ADGRB3: variants seen among roughly 807,000 people sequenced by gnomAD.
ADGRB3 encodes the protein brain-specific angiogenesis inhibitor 3.
Under a neutral mutation model 193.4 loss-of-function variants are expected in ADGRB3, and 37 were observed. The ratio of observed to expected loss-of-function variants is 0.19; its 90% CI spans 0.15 to 0.25. ADGRB3 has a LOEUF of 0.25. Among genes scored for constraint, ADGRB3 ranks in the 10% least tolerant of loss-of-function variants. The pLI is 1.00. For synonymous variants in ADGRB3, 690 were observed against 644.2 expected, an observed-to-expected ratio of 1.07 and a Z score of -1.08; for missense variants, 1,637 against 1,852.9, an observed-to-expected ratio of 0.88 and a Z score of 2.14.
intron 13 of ADGRB3, among the ~76,000 whole-genome samples, chr6:69,028,335 T>TTTTG (rs995842179): frequency 6.6e-6 from 1 of 152,214 alleles, no homozygotes. Context: ...TTTTCGGTTT[T>TTTTG]TTTGTTTGTT....
chr6:69,222,662 A>G (rs1765920341), intron 17 of ADGRB3, among the ~76,000 whole-genome samples: 1 of 152,162 alleles, frequency 6.6e-6, no homozygotes, highest in South Asian at 2.1e-4. Flanking sequence ...AGGAAAAAAC[A>G]TTGAAAAGAA....
At chr6:69,258,783 A>G (rs1766837582) in intron 20 of ADGRB3, among the ~76,000 whole-genome samples, 1 of 152,188 alleles carries the variant, frequency 6.6e-6, no homozygotes, top group Non-Finnish European at 1.5e-5. Flanking sequence ...CCATCTGGAG[A>G]GTTTTTTAAT....
In ADGRB3 at chr6:69,018,317, T is replaced by TA; in HGVS notation, c.1999-67dup. On this transcript the variant is annotated intron_variant, in intron 12 of 31. Transcript: ENST00000370598. ...AGCTCATTTGTGATTTCATGTAGTT[T>TA]AAAAAAATTCAGTTATATATGCCAT... 4 of 901,436 alleles carry TA rather than the reference T, an allele frequency of 4.4e-6. No individual in the cohort carries two copies. The South Asian group carries it at 6.0e-5, about 13-fold the overall frequency. 55.8% of individuals were successfully genotyped at this position (901,436 alleles called of 1,614,324 possible).
At chr6:69,080,124 C>G (rs1486407945) in intron 17 of ADGRB3, among the ~76,000 whole-genome samples, 1 of 152,046 alleles carries the variant, frequency 6.6e-6, no homozygotes, top group African/African-American at 2.4e-5. Context: ...CTTTGTCATT[C>G]ATCCTGGAAG....
intron 24 of ADGRB3, among the ~76,000 whole-genome samples, chr6:69,336,528 G>A (rs1357532711): frequency 6.6e-6 from 1 of 151,870 alleles, no homozygotes; most frequent in Non-Finnish European, 1.5e-5. Flanking sequence ...ACATGGAGAA[G>A]GGAAACTAGA....
rs753486174 is a variant in ADGRB3 at position 69,239,257 on chromosome 6, T to C, written c.2814+31T>C. ...ACTGGTAATTATTCTGATTCTTTTT[T>C]TGTGTTTATATTTTGGCATATTGTT... On this transcript the variant is annotated intron_variant, in intron 20 of 31. Transcript: ENST00000370598. The C allele has an allele frequency of 1.2e-5, 17 of 1,431,756 alleles. No homozygotes were observed. The East Asian group carries it at 3.9e-4, about 33-fold the overall frequency. 88.7% of individuals were successfully genotyped at this position (1,431,756 alleles called of 1,614,324 possible). A position where few individuals can be genotyped will look rare whatever the true frequency, so the allele number is the denominator to read the frequency against.
intron 20 of ADGRB3, among the ~76,000 whole-genome samples, chr6:69,324,264 T>TA (rs1246399897): frequency 2.0e-5 from 3 of 152,168 alleles, no homozygotes; most frequent in Non-Finnish European, 2.9e-5. Flanking sequence ...CATTGCAAAG[T>TA]AATAGTATAG....
At chr6:68,766,976 C>T (rs1766521763) in intron 3 of ADGRB3, among the ~76,000 whole-genome samples, 1 of 151,890 alleles carries the variant, frequency 6.6e-6, no homozygotes, top group Non-Finnish European at 1.5e-5. Context: ...TTTGGAATTG[C>T]ATATACATTT....
intron 13 of ADGRB3, among the ~76,000 whole-genome samples, chr6:69,035,879 A>C (rs184587196): frequency 6.6e-6 from 1 of 152,278 alleles, no homozygotes; most frequent in East Asian, 1.9e-4. Context: ...GGCTTGAGTA[A>C]AGTCGATAGA....
intron 17 of ADGRB3, among the ~76,000 whole-genome samples, chr6:69,084,338 A>G (rs1772486203): frequency 6.6e-6 from 1 of 152,172 alleles, no homozygotes; most frequent in Non-Finnish European, 1.5e-5. Flanking sequence ...AGAAAGAAAA[A>G]CCAAGGAGCC....
chr6:68,957,414 T>C (rs1768105281), intron 8 of ADGRB3, among the ~76,000 whole-genome samples: 1 of 152,208 alleles, frequency 6.6e-6, no homozygotes, highest in Non-Finnish European at 1.5e-5. Flanking sequence ...CATTAAAATA[T>C]TATTGACACA....
At position 68,930,658 on chromosome 6, in the gene ADGRB3, T is replaced by C; in HGVS notation, c.857T>C (p.Met286Thr). 6.3e-7 allele frequency: 1 copy of C among 1,599,998 alleles called. No individual in the cohort carries two copies. The highest frequency in any genetic ancestry group is 1.3e-5 in the African/African-American group (1 of 74,602). The change falls in exon 4 of 32, where the codon ATG (methionine) becomes ACG (threonine). Residue 286 changes from methionine (M) to threonine (T), a missense_variant. Physicochemically the swap from Met to Thr is moderately conservative, Grantham distance 81 (BLOSUM62 -1). Coordinates refer to ENST00000370598, the MANE Select transcript of ADGRB3 (RefSeq NM_001704.3). Reference sequence around the variant, plus strand: ...GAACAAGCTGATGCTGCTAAATTTATGGCACAAACTGGTAATACGTTAGTT... The same window carrying C: ...GAACAAGCTGATGCTGCTAAATTTACGGCACAAACTGGTAATACGTTAGTT... ...PQEQADAAKF[M>T]AQTGESGVEE...
intron 7 of ADGRB3, 134 bp from the exon 8 acceptor site, chr6:68,956,511 T>C (rs916048462): frequency 1.7e-6 from 2 of 1,195,640 alleles, no homozygotes; most frequent in African/African-American, 1.5e-5. Context: ...ACCTGTAAGT[T>C]AAATATTTGA....
intron 20 of ADGRB3, among the ~76,000 whole-genome samples, chr6:69,287,951 T>C (rs1447350867): frequency 1.3e-5 from 2 of 152,232 alleles, no homozygotes; most frequent in African/African-American, 2.4e-5. Flanking sequence ...AGAAATCTAC[T>C]TTAAAAAATA....
intron 12 of ADGRB3, 108 bp from the exon 13 acceptor site, chr6:69,018,283 G>A (rs1271597595): frequency 1.6e-6 from 1 of 618,390 alleles, no homozygotes; most frequent in Non-Finnish European, 2.7e-6. Context: ...TTTTTTTGAA[G>A]TGAAACAAAG....
At chr6:69,133,298 C>T (rs1774064310) in intron 17 of ADGRB3, among the ~76,000 whole-genome samples, 2 of 151,980 alleles carry the variant, frequency 1.3e-5, no homozygotes, top group South Asian at 4.2e-4. Flanking sequence ...CTCTTATTTC[C>T]TGGAGCAGTG....
intron 20 of ADGRB3, among the ~76,000 whole-genome samples, chr6:69,241,028 C>T: frequency 6.7e-6 from 1 of 148,442 alleles, no homozygotes; most frequent in Middle Eastern, 3.5e-3. Context: ...AGTTATACCT[C>T]CCCTTAGACT....
At chr6:69,090,560 C>T (rs1772676472) in intron 17 of ADGRB3, among the ~76,000 whole-genome samples, 1 of 152,158 alleles carries the variant, frequency 6.6e-6, no homozygotes, top group African/African-American at 2.4e-5. Flanking sequence ...TATATTTATT[C>T]AAGAACCATT....
intron 3 of ADGRB3, among the ~76,000 whole-genome samples, chr6:68,779,810 GAGAA>G (rs958642412): frequency 6.6e-5 from 10 of 152,110 alleles, no homozygotes; most frequent in African/African-American, 1.4e-4. Flanking sequence ...GGAAATGAGA[GAGAA>G]AGAGAGTGTA....
Sources: gnomAD v4.1 joint callset for allele counts (sites outside exome capture counted in the v4.1 genomes callset) on GRCh38, gnomAD v4.1.1 for gene constraint, MANE v1.5 for transcripts, NCBI Gene and HGNC (gene_info 2026-07-23, HGNC 2026-07-21) for gene names.